Variants in CPS1 observed in about 807,000 individuals in gnomAD.
CPS1 encodes carbamoyl-phosphate synthase [ammonia], mitochondrial.
Under a neutral mutation model 174.6 loss-of-function variants are expected in CPS1, and 109 were observed. The ratio of observed to expected loss-of-function variants is 0.62; its 90% confidence interval spans 0.53 to 0.73. CPS1 has a LOEUF of 0.73. Ranked by LOEUF, CPS1 falls within the 30% of genes least tolerant of loss-of-function variation. The probability of loss-of-function intolerance (pLI) is 0.00; values close to 1 mark genes in which losing one functional copy is unlikely to be tolerated. For missense variants in CPS1, 1,689 were observed against 1,821.9 expected (o/e 0.93, Z 1.33); for synonymous variants, 637 against 632.0 (o/e 1.01, Z -0.12).
intron 1 of CPS1, among the ~76,000 whole-genome samples, chr2:210,568,119 G>A (rs1185506364): frequency 6.6e-5 from 10 of 152,072 alleles, no homozygotes; most frequent in Non-Finnish European, 1.5e-5. Context: ...AATACCTTTA[G>A]CAATTAAAAG....
At chr2:210,516,057 G>A (rs1010351126) in intron 1 of CPS1, among the ~76,000 whole-genome samples, 16 of 151,790 alleles carry the variant, frequency 1.1e-4, no homozygotes, top group African/African-American at 2.7e-4. Context: ...ATTCCACTGC[G>A]GTGTGAGAGT....
In CPS1 at chr2:210,573,417, G is replaced by T; in HGVS notation, c.236+10G>T. 6.3e-7 allele frequency: 1 copy of T among 1,581,298 alleles called. No homozygotes were observed. The highest frequency in any genetic ancestry group is 1.1e-5 in the South Asian group (1 of 90,406). On this transcript the variant is annotated intron_variant, in intron 2 of 37. Coordinates refer to ENST00000233072, the MANE Select transcript of CPS1 (RefSeq NM_001875.5). The stretch of plus-strand genomic sequence containing the variant: ...ATACTGGCCTGGGAGGGTGAGTAAT[G>T]CTTTTCCAAGGCTTTATTTTTCCTC...
intron 1 of CPS1, among the ~76,000 whole-genome samples, chr2:210,539,026 ATTG>A (rs1696332969): frequency 6.6e-6 from 1 of 152,106 alleles, no homozygotes; most frequent in Non-Finnish European, 1.5e-5. Flanking sequence ...TACTGCGTAT[ATTG>A]TTGTATAAAT....
chr2:210,635,786 G>T (rs1229955180), intron 21 of CPS1, among the ~76,000 whole-genome samples: 1 of 152,152 alleles, frequency 6.6e-6, no homozygotes, highest in Non-Finnish European at 1.5e-5. Context: ...AATAAAAAGA[G>T]AAGAAATTAA....
chr2:210,608,917 G>A (rs1379179473), intron 19 of CPS1, among the ~76,000 whole-genome samples: 3 of 151,788 alleles, frequency 2.0e-5, no homozygotes, highest in Non-Finnish European at 4.4e-5. Flanking sequence ...AAGTAATATA[G>A]AATATAATAT....
At chr2:210,666,408 A>G (rs1386452582) in intron 33 of CPS1, among the ~76,000 whole-genome samples, 4 of 151,364 alleles carry the variant, frequency 2.6e-5, no homozygotes, top group Admixed American at 1.3e-4. Flanking sequence ...GCCCATGCCT[A>G]TGTCCTGAAT....
At position 210,675,830 on chromosome 2, in the gene CPS1, T is replaced by G; in HGVS notation, c.4264T>G (p.Ser1422Ala). ...SQEGQNPSLS[S>A]IRKLIRDGSI... The stretch of plus-strand genomic sequence containing the variant: ...AGAAGGACAGAATCCCAGCCTCTCT[T>G]CCATCAGAAAGTAAGAACTAGGCAT... Residue 1422 changes from serine to alanine, a missense_variant, in exon 36 of 38, where the codon TCC (serine) becomes GCC (alanine). Ser to Ala is a moderately conservative substitution (Grantham distance 99). Transcript: ENST00000233072. 5 of 1,501,540 alleles carry G rather than the reference T, an allele frequency of 3.3e-6. No homozygotes were observed. Among genetic ancestry groups the G allele is most frequent in the Non-Finnish European group, 4.6e-6 (5 of 1,077,496 alleles). 93.0% of individuals were successfully genotyped at this position (1,501,540 alleles called of 1,614,324 possible).
rs201716417 is a variant in CPS1, at chr2:210,612,132, C to G, written c.2407C>G (p.Arg803Gly). The G allele has an allele frequency of 5.0e-6, 8 of 1,611,730 alleles. No homozygotes were observed. The East Asian group carries it at 1.6e-4, about 31-fold the overall frequency. ...TGTATTACAGGTCATGGCTATTGGT[C>G]GTACCTTTGAGGAGAGTTTCCAGAA... The part of the protein sequence containing the change: ...KSVGEVMAIG[R>G]TFEESFQKAL... Residue 803 changes from arginine to glycine, a missense_variant, in exon 20 of 38, where the codon CGT (arginine) becomes GGT (glycine). Physicochemically the swap from Arg to Gly is moderately radical, Grantham distance 125. Transcript: ENST00000233072.
Position 210,512,583 on chromosome 2 carries a change from T to A in CPS1, c.3+34817T>A, listed in dbSNP as rs543638985. 5.9e-5 allele frequency among the ~76,000 whole-genome samples: 9 copies of A among 151,412 alleles called. No individual in the cohort carries two copies. In the South Asian group the frequency reaches 1.9e-3, roughly 32 times the overall value. Reference sequence around the variant, plus strand: ...AATATTCTATGGTATATATGCAGCATGTTTTCTTTGTTCAATCTACCATTA... The same window carrying A: ...AATATTCTATGGTATATATGCAGCAAGTTTTCTTTGTTCAATCTACCATTA... On this transcript the variant is annotated intron_variant, in intron 1 of 38. Coordinates refer to the CPS1 transcript ENST00000430249.
rs1695270858 is a variant in CPS1, at chr2:210,505,965, G to GA, written c.3+28199_3+28200insA. On this transcript the variant is annotated intron_variant, in intron 1 of 38. Transcript: ENST00000430249. ...CTGTAGACTCCACCTCTGGGGGCAG[G>GA]CATAGCCAAACAAAAGGCAGCAGAA... is the stretch of plus-strand genomic sequence containing the variant. Among the ~76,000 whole-genome samples, 3 of 151,656 alleles carry GA rather than the reference G, an allele frequency of 2.0e-5. No homozygotes were observed. The South Asian group carries it at 6.3e-4, about 32-fold the overall frequency.
At chr2:210,538,307 A>T (rs1165593672) in intron 1 of CPS1, among the ~76,000 whole-genome samples, 1 of 152,128 alleles carries the variant, frequency 6.6e-6, no homozygotes, top group Non-Finnish European at 1.5e-5. Context: ...ATTTATGCAG[A>T]TACATACATA....
chr2:210,521,800 CATTATCA>C (rs1695833567), intron 1 of CPS1, among the ~76,000 whole-genome samples: 1 of 151,968 alleles, frequency 6.6e-6, no homozygotes, highest in African/African-American at 2.4e-5. Flanking sequence ...TTTTTCTCCA[CATTATCA>C]ATTATATTTC....
At chr2:210,594,762 TC>T (rs1393520581) in intron 12 of CPS1, among the ~76,000 whole-genome samples, 156 bp downstream of exon 12, 1 of 151,996 alleles carries the variant, frequency 6.6e-6, no homozygotes, top group Non-Finnish European at 1.5e-5. Context: ...ATTATTTGGT[TC>T]CTTCTTGATG....
At chr2:210,503,455 A>C (rs1316816914) in intron 1 of CPS1, among the ~76,000 whole-genome samples, 1 of 152,070 alleles carries the variant, frequency 6.6e-6, no homozygotes. Context: ...CATTTTTCTT[A>C]TTATTTCCAG....
chr2:210,532,540 C>A (rs983356106), intron 1 of CPS1, among the ~76,000 whole-genome samples: 1 of 152,012 alleles, frequency 6.6e-6, no homozygotes, highest in African/African-American at 2.4e-5. Flanking sequence ...ATAAGTATAG[C>A]AATAGCTAAC....
intron 1 of CPS1, among the ~76,000 whole-genome samples, chr2:210,481,501 A>G (rs1694569285): frequency 6.6e-6 from 1 of 152,156 alleles, no homozygotes; most frequent in African/African-American, 2.4e-5. Context: ...TGGAAAGATG[A>G]TATATTACCA....
chr2:210,660,979 A>G (rs1370483348), intron 32 of CPS1, among the ~76,000 whole-genome samples: 1 of 152,248 alleles, frequency 6.6e-6, no homozygotes, highest in Non-Finnish European at 1.5e-5. Context: ...ACACCTTGTT[A>G]GGATAAAGCT....
intron 1 of CPS1, among the ~76,000 whole-genome samples, chr2:210,536,460 A>G (rs1410594192): frequency 2.0e-5 from 3 of 151,788 alleles, no homozygotes; most frequent in Admixed American, 6.6e-5. Flanking sequence ...AGCTGGGACT[A>G]CAGGCGCCCG....
At chr2:210,556,988 C>T (rs1245083654) in intron 1 of CPS1, 129 bp downstream of exon 1, 1 of 1,103,716 alleles carries the variant, frequency 9.1e-7, no homozygotes, top group African/African-American at 1.6e-5. Flanking sequence ...TTAATGTTTC[C>T]TTTACTGTGG....
Sources: allele counts gnomAD v4.1 joint callset (sites outside exome capture counted in the v4.1 genomes callset), GRCh38; gene constraint gnomAD v4.1.1; transcripts MANE v1.5; gene names NCBI Gene and HGNC (gene_info 2026-07-23, HGNC 2026-07-21).